The following MAML3 variants were observed in gnomAD, a reference collection of about 807,000 sequenced individuals.
MAML3 encodes the protein mastermind-like protein 3.
A neutral mutation model predicts 101.9 loss-of-function variants in MAML3; 27 were observed. That is an observed-to-expected ratio of 0.27 (90% CI 0.20 to 0.37). The LOEUF (loss-of-function observed/expected upper bound fraction) is 0.37, where lower values mean the gene tolerates loss of function less well. Ranked by LOEUF, MAML3 falls within the 10% of genes least tolerant of loss-of-function variation. The probability of loss-of-function intolerance (pLI) is 1.00; values close to 1 mark genes in which losing one functional copy is unlikely to be tolerated. For missense variants in MAML3, 1,316 were observed against 1,444.9 expected (o/e 0.91, Z 1.45); for synonymous variants, 501 against 555.9 (o/e 0.90, Z 1.39).
chr4:140,143,904 T>C (rs949730888), intron 1 of MAML3, among the ~76,000 whole-genome samples: 1 of 152,220 alleles, frequency 6.6e-6, no homozygotes, highest in African/African-American at 2.4e-5. Context: ...CCAGGCATCC[T>C]TCACCTCATC....
intron 1 of MAML3, among the ~76,000 whole-genome samples, chr4:139,936,365 C>T (rs1733505974): frequency 6.6e-6 from 1 of 152,156 alleles, no homozygotes; most frequent in South Asian, 2.1e-4. Flanking sequence ...GGAGTGCAAA[C>T]ATCTTTTTGA....
chr4:140,078,458 G>T (rs1346457036), intron 1 of MAML3, among the ~76,000 whole-genome samples: 1 of 152,086 alleles, frequency 6.6e-6, no homozygotes, highest in African/African-American at 2.4e-5. Flanking sequence ...CTGTTAATGT[G>T]ACACCAGCGA....
rs186151030 is a variant in MAML3, at chr4:139,912,983, T to C, written c.469-22016A>G. Among the ~76,000 whole-genome samples the C allele has an allele frequency of 1.4e-4, 21 of 152,348 alleles. No homozygotes were observed. In the East Asian group the frequency reaches 3.9e-3, roughly 28 times the overall value. ...ATGAATCTGCAGTAGGACAAGGTCA[T>C]CCTATGCCAAGGCCAAAATGAGTAT... On this transcript the variant is annotated intron_variant, in intron 1 of 4. Coordinates refer to ENST00000509479, the MANE Select transcript of MAML3 (RefSeq NM_018717.5).
Position 140,115,078 on chromosome 4 carries a change from C to T in MAML3, c.468+37782G>A, listed in dbSNP as rs191667513. Among the ~76,000 whole-genome samples, 299 of 152,252 alleles carry T rather than the reference C, an allele frequency of 2.0e-3. 4 individuals are homozygous for T. Among genetic ancestry groups the T allele is most frequent in the African/African-American group, 6.8e-3 (282 of 41,554 alleles). ...CCTCAGGACAAGACACATGAAGTCT[C>T]ATTTTAATACAATGCCCTAATTATG... On this transcript the variant is annotated intron_variant, in intron 1 of 4. Coordinates refer to ENST00000509479, the MANE Select transcript of MAML3 (RefSeq NM_018717.5).
chr4:140,029,916 AGAT>A (rs1726880933), intron 1 of MAML3, among the ~76,000 whole-genome samples: 1 of 152,210 alleles, frequency 6.6e-6, no homozygotes, highest in African/African-American at 2.4e-5. Flanking sequence ...TGACAAAATA[AGAT>A]GATGAAGATG....
At chr4:139,999,764 C>G (rs945791221) in intron 1 of MAML3, among the ~76,000 whole-genome samples, 1 of 152,164 alleles carries the variant, frequency 6.6e-6, no homozygotes, top group Non-Finnish European at 1.5e-5. Flanking sequence ...TAAGAACCAA[C>G]TCGAAACTGT....
intron 1 of MAML3, among the ~76,000 whole-genome samples, chr4:140,139,038 A>G (rs1418311940): frequency 2.6e-5 from 4 of 152,196 alleles, no homozygotes. Flanking sequence ...TTGAGAGGCC[A>G]AGGCAGGAGG....
intron 1 of MAML3, among the ~76,000 whole-genome samples, chr4:139,898,116 C>G (rs758547072): frequency 1.9e-4 from 29 of 152,192 alleles, no homozygotes; most frequent in Non-Finnish European, 2.9e-5. Flanking sequence ...CATTCTAATT[C>G]ATATCACACT....
At chr4:140,110,306 G>A (rs889447296) in intron 1 of MAML3, among the ~76,000 whole-genome samples, 3 of 152,218 alleles carry the variant, frequency 2.0e-5, no homozygotes, top group Non-Finnish European at 4.4e-5. Context: ...CAGGCACAGC[G>A]ACACTGCACA....
At chr4:139,868,650 T>C (rs931896887) in intron 2 of MAML3, among the ~76,000 whole-genome samples, 2 of 152,198 alleles carry the variant, frequency 1.3e-5, no homozygotes, top group African/African-American at 4.8e-5. Flanking sequence ...AATACCTTTA[T>C]GACAAGCCTT....
chr4:140,028,381 G>A (rs1726858936), intron 1 of MAML3, among the ~76,000 whole-genome samples: 1 of 152,104 alleles, frequency 6.6e-6, no homozygotes, highest in African/African-American at 2.4e-5. Context: ...CTGAACAAGT[G>A]AGAACTGGAT....
intron 1 of MAML3, among the ~76,000 whole-genome samples, chr4:139,932,190 T>C (rs1340761191): frequency 1.3e-5 from 2 of 152,176 alleles, no homozygotes; most frequent in East Asian, 3.9e-4. Flanking sequence ...CAGATTTTCA[T>C]TGCTTACTTT....
At chr4:140,102,933 T>C (rs1371155970) in intron 1 of MAML3, among the ~76,000 whole-genome samples, 2 of 152,090 alleles carry the variant, frequency 1.3e-5, no homozygotes, top group Non-Finnish European at 1.5e-5. Context: ...GGAAGACAAA[T>C]GTAAAATCCA....
chr4:139,872,947 G>C (rs1440295230), intron 2 of MAML3, among the ~76,000 whole-genome samples: 3 of 152,018 alleles, frequency 2.0e-5, no homozygotes, highest in African/African-American at 4.8e-5. Context: ...CGGGCATGGT[G>C]GTGGGCGCCT....
At chr4:139,953,451 C>T (rs1007781963) in intron 1 of MAML3, among the ~76,000 whole-genome samples, 5 of 152,128 alleles carry the variant, frequency 3.3e-5, no homozygotes, top group African/African-American at 1.2e-4. Context: ...CATGGTGAAA[C>T]TCCATCTCTA....
At chr4:139,996,544 C>T (rs1322698474) in intron 1 of MAML3, among the ~76,000 whole-genome samples, 1 of 151,990 alleles carries the variant, frequency 6.6e-6, no homozygotes, top group African/African-American at 2.4e-5. Flanking sequence ...ATATCCCTGT[C>T]TCTAGTAATA....
chr4:140,035,749 C>T (rs1457411671), intron 1 of MAML3, among the ~76,000 whole-genome samples: 5 of 151,182 alleles, frequency 3.3e-5, no homozygotes, highest in African/African-American at 9.7e-5. Context: ...CACCACTGCA[C>T]TCCAGCCTGG....
chr4:140,072,670 CAAA>C (rs11351354), intron 1 of MAML3, among the ~76,000 whole-genome samples: 15 of 111,940 alleles, frequency 1.3e-4, no homozygotes, highest in Non-Finnish European at 1.5e-4. Flanking sequence ...AACTCCGTCT[CAAA>C]AAAAAAAAAA....
chr4:140,125,153 A>C (rs903248623), intron 1 of MAML3, among the ~76,000 whole-genome samples: 1 of 152,264 alleles, frequency 6.6e-6, no homozygotes, highest in Admixed American at 6.5e-5. Context: ...ATGTCAACTT[A>C]TATCAGAATA....
Sources: allele counts gnomAD v4.1 joint callset (sites outside exome capture counted in the v4.1 genomes callset), GRCh38; gene constraint gnomAD v4.1.1; transcripts MANE v1.5; gene names NCBI Gene and HGNC (gene_info 2026-07-23, HGNC 2026-07-21).